Variants in CEP43 observed in about 807,000 individuals in gnomAD.
CEP43 encodes the protein centrosomal protein 43, also known as FGFR1 oncogene partner.
Under a neutral mutation model 52.6 loss-of-function variants are expected in CEP43, and 36 were observed. The observed-to-expected ratio is 0.68, with a 90% CI of 0.52 to 0.90. The LOEUF is 0.90. Ranked by LOEUF, CEP43 falls within the 40% of genes least tolerant of loss-of-function variation. The probability of loss-of-function intolerance (pLI) is 0.00; values close to 1 mark genes in which losing one functional copy is unlikely to be tolerated. For missense variants in CEP43, 506 were observed against 472.8 expected, an observed-to-expected ratio of 1.07 and a Z score of -0.65; for synonymous variants, 192 against 172.4, an observed-to-expected ratio of 1.11 and a Z score of -0.89.
intron 10 of CEP43, chr6:167,027,908 A>G: frequency 2.0e-6 from 2 of 985,712 alleles, no homozygotes; most frequent in Non-Finnish European, 2.4e-6. Context: ...CTTGTTCCGC[A>G]CAGTGCCCTG....
intron 10 of CEP43, chr6:167,028,426 C>G: frequency 1.0e-6 from 1 of 984,912 alleles, no homozygotes; most frequent in Non-Finnish European, 1.2e-6. Flanking sequence ...GTGAGAACTA[C>G]CAGTTCACTA....
At chr6:167,034,001 C>A in intron 12 of CEP43, 30 bp downstream of exon 12, 2 of 883,296 alleles carry the variant, frequency 2.3e-6, no homozygotes, top group Non-Finnish European at 3.3e-6. Context: ...CCATAGAGTG[C>A]TTTTTTTTTT....
chr6:167,044,462 G>A lies in CEP43; in HGVS notation c.*4484G>A, dbSNP rs776361321. On this transcript the variant is annotated 3_prime_UTR_variant, in exon 13 of 13. Transcript: ENST00000366847. ...GACTTGGCCAGAGGACCTCCAGGCT[G>A]ACAAAGTTTCCCCGAGGAAGTCAGA... 2.1e-5 allele frequency: 21 copies of A among 985,372 alleles called. No individual in the cohort carries two copies. The highest frequency in any genetic ancestry group is 2.5e-5 in the Non-Finnish European group (21 of 829,884). The allele number at this position is 985,372 out of a possible 1,614,324, so 61.0% of individuals were successfully genotyped here.
chr6:167,009,818 A>G (rs1027576209), intron 5 of CEP43, among the ~76,000 whole-genome samples: 8 of 152,034 alleles, frequency 5.3e-5, no homozygotes, highest in Admixed American at 1.3e-4. Context: ...CCTGGGTAAC[A>G]GAGTGAGACC....
rs1362829863 is a variant in CEP43 at position 167,045,383 on chromosome 6, A to G, written c.*5405A>G. On this transcript the variant is annotated 3_prime_UTR_variant, in exon 13 of 13. Transcript: ENST00000366847. ...CGCCCCCCCCGCGGCCCAGCCTCCC[A>G]AAGTGCTGGGATTACAGGCATGAGC... is the stretch of plus-strand genomic sequence containing the variant. The G allele has an allele frequency of 7.7e-6, 1 of 129,676 alleles. No homozygotes were observed. The highest frequency in any genetic ancestry group is 1.7e-5 in the Non-Finnish European group (1 of 58,714). The allele number at this position is 129,676 out of a possible 1,614,324, so 8.0% of individuals were successfully genotyped here.
intron 7 of CEP43, 127 bp from the exon 8 acceptor site, chr6:167,022,282 A>G (rs1780253113): frequency 1.6e-6 from 1 of 644,426 alleles, no homozygotes. Context: ...ACACACACAC[A>G]CACACACACA....
intron 1 of CEP43, 181 bp from the exon 2 acceptor site, chr6:166,999,879 C>G (rs1433001212): frequency 3.4e-6 from 2 of 580,896 alleles, no homozygotes; most frequent in Non-Finnish European, 6.1e-6. Flanking sequence ...AGCAGCGCGT[C>G]CAGCCGAAGC....
In CEP43 at chr6:167,042,107, G is replaced by A. The variant is rs538966342; in HGVS notation, c.*2129G>A. ...GCCGGGATTACAGGCGTGAACCACC[G>A]CACCTGGCCAGTACTACATCCATTT... On this transcript the variant is annotated 3_prime_UTR_variant, in exon 13 of 13. Transcript: ENST00000366847. 126 of 1,005,984 alleles carry A rather than the reference G, an allele frequency of 1.3e-4. No homozygotes were observed. In the Middle Eastern group the frequency reaches 3.4e-3, roughly 27 times the overall value. 62.3% of individuals were successfully genotyped at this position (1,005,984 alleles called of 1,614,324 possible).
Position 167,042,215 on chromosome 6 carries a change from C to T in CEP43, c.*2237C>T. 6.0e-6 allele frequency: 6 copies of T among 1,005,110 alleles called. No individual in the cohort carries two copies. Among genetic ancestry groups the T allele is most frequent in the Non-Finnish European group, 7.1e-6 (6 of 840,380 alleles). 62.3% of individuals were successfully genotyped at this position (1,005,110 alleles called of 1,614,324 possible). A position where few individuals can be genotyped will look rare whatever the true frequency, so the allele number is the denominator to read the frequency against. On this transcript the variant is annotated 3_prime_UTR_variant, in exon 13 of 13. Coordinates refer to ENST00000366847, the MANE Select transcript of CEP43 (RefSeq NM_007045.4). ...GTACTTTTTGATTAGGTATTATCAA[C>T]TTATGAAACTTGAAGATGTGAAGTG... is the stretch of plus-strand genomic sequence containing the variant.
intron 10 of CEP43, chr6:167,028,231 CA>C: frequency 1.0e-6 from 1 of 985,368 alleles, no homozygotes; most frequent in Non-Finnish European, 1.2e-6. Flanking sequence ...ATTCTCTTAC[CA>C]AAGCGAGGGT....
At position 167,041,340 on chromosome 6, in the gene CEP43, G is replaced by A. The variant is rs1446091937; in HGVS notation, c.*1362G>A. On this transcript the variant is annotated 3_prime_UTR_variant, in exon 13 of 13. Transcript: ENST00000366847. ...CTTTTTAAAATTTAAGTGAAACTAA[G>A]CTGTAAACATCAAGAGGAAGTAGGA... is the stretch of plus-strand genomic sequence containing the variant. 9.5e-7 allele frequency: 1 copy of A among 1,056,842 alleles called. No individual in the cohort carries two copies. Among genetic ancestry groups the A allele is most frequent in the Non-Finnish European group, 1.1e-6 (1 of 873,972 alleles). 65.5% of individuals were successfully genotyped at this position (1,056,842 alleles called of 1,614,324 possible).
In CEP43 at chr6:167,042,176, C is replaced by A; in HGVS notation, c.*2198C>A. On this transcript the variant is annotated 3_prime_UTR_variant, in exon 13 of 13. Transcript: ENST00000366847. ...GACTTAAAGTTCAACTATGAAAAAG[C>A]TTTCTTTTCACATGTACTTTTTGAT... 6.9e-6 allele frequency: 7 copies of A among 1,007,396 alleles called. No homozygotes were observed. Among genetic ancestry groups the A allele is most frequent in the Non-Finnish European group, 8.3e-6 (7 of 842,188 alleles). 62.4% of individuals were successfully genotyped at this position (1,007,396 alleles called of 1,614,324 possible). A position where few individuals can be genotyped will look rare whatever the true frequency, so the allele number is the denominator to read the frequency against.
intron 2 of CEP43, among the ~76,000 whole-genome samples, chr6:167,001,417 T>C (rs902132008): frequency 6.6e-6 from 1 of 152,226 alleles, no homozygotes; most frequent in African/African-American, 2.4e-5. Context: ...ACCGCTGTGG[T>C]TTTTTTCCTT....
chr6:167,011,854 C>T (rs957243726), intron 6 of CEP43, among the ~76,000 whole-genome samples: 12 of 152,180 alleles, frequency 7.9e-5, no homozygotes, highest in South Asian at 2.1e-4. Flanking sequence ...AGCCTTCACC[C>T]GCATGATCTG....
intron 5 of CEP43, among the ~76,000 whole-genome samples, chr6:167,006,190 G>A (rs1779847842): frequency 6.6e-6 from 1 of 152,218 alleles, no homozygotes; most frequent in Non-Finnish European, 1.5e-5. Context: ...TACTGTAGTA[G>A]GCATCAGTGG....
At chr6:167,005,004 T>C (rs1779820995) in intron 5 of CEP43, among the ~76,000 whole-genome samples, 1 of 152,216 alleles carries the variant, frequency 6.6e-6, no homozygotes. Flanking sequence ...AGATTAATGA[T>C]ATAATTTTAT....
intron 12 of CEP43, 73 bp from the exon 13 acceptor site, chr6:167,039,831 T>C: frequency 6.5e-7 from 1 of 1,529,256 alleles, no homozygotes; most frequent in Non-Finnish European, 9.0e-7. Flanking sequence ...CATTGTGGCT[T>C]TGATTTTTTA....
intron 10 of CEP43, among the ~76,000 whole-genome samples, chr6:167,027,071 GC>G (rs1780372154): frequency 6.6e-6 from 1 of 152,192 alleles, no homozygotes; most frequent in South Asian, 2.1e-4. Flanking sequence ...TTGGGCAGAG[GC>G]AGAGCCATTT....
chr6:167,003,891 T>C, intron 4 of CEP43, 80 bp downstream of exon 4: 1 of 839,152 alleles, frequency 1.2e-6, no homozygotes, highest in South Asian at 1.7e-5. Context: ...GTTAATAGAA[T>C]TTGACAACTG....
Sources: allele counts gnomAD v4.1 joint callset (sites outside exome capture counted in the v4.1 genomes callset), GRCh38; gene constraint gnomAD v4.1.1; transcripts MANE v1.5; gene names NCBI Gene and HGNC (gene_info 2026-07-23, HGNC 2026-07-21).